Variants in KLHL20 observed in about 807,000 individuals in gnomAD.
The protein encoded by KLHL20 is kelch-like protein 20.
A neutral mutation model predicts 69.5 loss-of-function variants in KLHL20; 29 were observed. That is an observed-to-expected ratio of 0.42 (90% CI 0.31 to 0.57). The LOEUF (loss-of-function observed/expected upper bound fraction) is 0.57. Ranked by LOEUF, KLHL20 falls within the 20% of genes least tolerant of loss-of-function variation. The pLI is 0.18. For missense variants in KLHL20, 419 were observed against 776.0 expected (o/e 0.54, Z 5.47); for synonymous variants, 253 against 265.2 (o/e 0.95, Z 0.45).
chr1:173,737,023 T>C (rs1300625412), intron 3 of KLHL20, among the ~76,000 whole-genome samples: 1 of 152,278 alleles, frequency 6.6e-6, no homozygotes, highest in African/African-American at 2.4e-5. Flanking sequence ...TTTGTATATC[T>C]TCTTTTGAGA....
At position 173,719,214 on chromosome 1, in the gene KLHL20, C is replaced by T. The variant is rs184799800; in HGVS notation, c.23+3148C>T. On this transcript the variant is annotated intron_variant, in intron 2 of 11. Transcript: ENST00000209884. ...CATTGTCTATATGCACCTTAGTTAA[C>T]CAGTCCCATTTGAGAGAGATTTATT... 3.7e-4 allele frequency among the ~76,000 whole-genome samples: 56 copies of T among 152,110 alleles called. No homozygotes were observed. The South Asian group carries it at 7.3e-3, about 20-fold the overall frequency.
intron 10 of KLHL20, among the ~76,000 whole-genome samples, chr1:173,780,100 G>T (rs1264401176): frequency 1.3e-5 from 2 of 152,036 alleles, no homozygotes; most frequent in African/African-American, 4.8e-5. Context: ...GTGAATTCTG[G>T]TTTGCGTAAA....
Position 173,728,027 on chromosome 1 carries a change from A to C in KLHL20, c.24-5686A>C, listed in dbSNP as rs562707604. Among the ~76,000 whole-genome samples, 17 of 152,332 alleles carry C rather than the reference A, an allele frequency of 1.1e-4. 1 individual carries two copies. Among genetic ancestry groups the C allele is most frequent in the African/African-American group, 3.8e-4 (16 of 41,572 alleles). On this transcript the variant is annotated intron_variant, in intron 2 of 11. Transcript: ENST00000209884. ...ACCCATCTCACGTGCAGAGACACAC[A>C]TAGGTTCAAAATAAAGGGATGGAGG... is the stretch of plus-strand genomic sequence containing the variant.
intron 8 of KLHL20, among the ~76,000 whole-genome samples, chr1:173,772,648 A>G (rs909237724): frequency 6.6e-6 from 1 of 152,206 alleles, no homozygotes; most frequent in African/African-American, 2.4e-5. Context: ...TCTTTATAAA[A>G]TTATCCCAAT....
intron 3 of KLHL20, among the ~76,000 whole-genome samples, chr1:173,751,124 A>G (rs1363240334): frequency 1.3e-5 from 2 of 152,108 alleles, no homozygotes; most frequent in Non-Finnish European, 2.9e-5. Flanking sequence ...CATTCTGATG[A>G]ATGGAATTAC....
chr1:173,754,795 CCCTT>C (rs1172609591), intron 5 of KLHL20, among the ~76,000 whole-genome samples: 1 of 152,110 alleles, frequency 6.6e-6, no homozygotes, highest in East Asian at 1.9e-4. Context: ...TAAAAGAAGA[CCCTT>C]CCTGATATCC....
At chr1:173,718,261 A>G (rs575400783) in intron 2 of KLHL20, among the ~76,000 whole-genome samples, 2 of 151,830 alleles carry the variant, frequency 1.3e-5, no homozygotes, top group Non-Finnish European at 2.9e-5. Context: ...AAAGATGGCT[A>G]GGCACAGTGG....
At chr1:173,729,932 C>G (rs1369520559) in intron 2 of KLHL20, among the ~76,000 whole-genome samples, 2 of 152,112 alleles carry the variant, frequency 1.3e-5, no homozygotes, top group African/African-American at 4.8e-5. Context: ...TCAAATTGTC[C>G]CTGTTTGCAC....
At chr1:173,779,071 C>T (rs1264186788) in intron 10 of KLHL20, among the ~76,000 whole-genome samples, 1 of 151,918 alleles carries the variant, frequency 6.6e-6, no homozygotes, top group Non-Finnish European at 1.5e-5. Flanking sequence ...GATGTAGGCT[C>T]TTATTGCTAT....
chr1:173,782,016 A>T, intron 10 of KLHL20, 108 bp from the exon 11 acceptor site: 1 of 713,854 alleles, frequency 1.4e-6, no homozygotes, highest in Non-Finnish European at 2.4e-6. Context: ...CCAGAATGTA[A>T]GGCCATAAAG....
intron 2 of KLHL20, among the ~76,000 whole-genome samples, chr1:173,726,532 G>C (rs1671971582): frequency 6.6e-6 from 1 of 152,126 alleles, no homozygotes; most frequent in Non-Finnish European, 1.5e-5. Flanking sequence ...CAACGGACGG[G>C]TACTCCTCTG....
At chr1:173,756,922 T>TA in intron 6 of KLHL20, 54 bp from the exon 7 acceptor site, 1 of 1,548,536 alleles carries the variant, frequency 6.5e-7, no homozygotes, top group Non-Finnish European at 8.8e-7. Context: ...TAGTGAGTGT[T>TA]ACATTTTATG....
At chr1:173,717,771 T>G (rs934114350) in intron 2 of KLHL20, among the ~76,000 whole-genome samples, 1 of 152,052 alleles carries the variant, frequency 6.6e-6, no homozygotes, top group Non-Finnish European at 1.5e-5. Flanking sequence ...CTGCAGACTT[T>G]CCCCCTCCAA....
At chr1:173,776,488 A>C (rs1220026346) in intron 10 of KLHL20, among the ~76,000 whole-genome samples, 1 of 152,044 alleles carries the variant, frequency 6.6e-6, no homozygotes. Context: ...ACTGAAAAAA[A>C]TCTTTGCCCA....
At chr1:173,778,962 C>T (rs1016598199) in intron 10 of KLHL20, among the ~76,000 whole-genome samples, 1 of 151,578 alleles carries the variant, frequency 6.6e-6, no homozygotes, top group African/African-American at 2.4e-5. Context: ...TTAATTTCTG[C>T]TCTGATCTTT....
At chr1:173,771,561 G>A (rs1648092221) in intron 8 of KLHL20, among the ~76,000 whole-genome samples, 2 of 152,160 alleles carry the variant, frequency 1.3e-5, no homozygotes, top group Admixed American at 1.3e-4. Context: ...TTTGAGACCA[G>A]CCTAGGCAAC....
intron 2 of KLHL20, among the ~76,000 whole-genome samples, chr1:173,730,080 C>A (rs535755940): frequency 2.0e-5 from 3 of 152,112 alleles, no homozygotes; most frequent in Non-Finnish European, 4.4e-5. Flanking sequence ...CAATAACAGA[C>A]AAACAGAGAG....
intron 2 of KLHL20, among the ~76,000 whole-genome samples, chr1:173,730,672 G>A (rs1446984961): frequency 2.0e-5 from 3 of 152,314 alleles, no homozygotes; most frequent in Non-Finnish European, 2.9e-5. Context: ...GCTGTATGTA[G>A]AAACCTGAAA....
chr1:173,774,789 C>A lies in KLHL20; in HGVS notation c.1429+351C>A, dbSNP rs78443701. On this transcript the variant is annotated intron_variant, in intron 9 of 11. Transcript: ENST00000209884. ...AAGAATAAATAAAAACTTAGAACTA[C>A]AAATTCGTTTATTTGGGTTTTGTTT... Among the ~76,000 whole-genome samples the A allele has an allele frequency of 9.2e-5, 14 of 152,214 alleles. No individual in the cohort carries two copies. The East Asian group carries it at 2.7e-3, about 29-fold the overall frequency.
Sources: allele counts gnomAD v4.1 joint callset (sites outside exome capture counted in the v4.1 genomes callset), GRCh38; gene constraint gnomAD v4.1.1; transcripts MANE v1.5; gene names NCBI Gene and HGNC (gene_info 2026-07-23, HGNC 2026-07-21).